Variants in CDH20 observed in about 807,000 individuals in gnomAD.
The protein encoded by CDH20 is cadherin 20, also known as cadherin-20.
CDH20 carries 29 observed loss-of-function variants against 74.2 expected under a neutral mutation model. The ratio of observed to expected loss-of-function variants is 0.39; its 90% CI spans 0.29 to 0.53. The LOEUF (loss-of-function observed/expected upper bound fraction) is 0.53. Ranked by LOEUF, CDH20 falls within the 20% of genes least tolerant of loss-of-function variation. The probability of loss-of-function intolerance (pLI) is 0.69; values close to 1 mark genes in which losing one functional copy is unlikely to be tolerated. For synonymous variants in CDH20, 469 were observed against 405.4 expected, an observed-to-expected ratio of 1.16 and a Z score of -1.88; for missense variants, 988 against 1,048.3, an observed-to-expected ratio of 0.94 and a Z score of 0.79.
chr18:61,343,581 T>C (rs1169254857), intron 1 of CDH20, among the ~76,000 whole-genome samples: 1 of 152,144 alleles, frequency 6.6e-6, no homozygotes, highest in Non-Finnish European at 1.5e-5. Context: ...CACTGTGATG[T>C]CCTGTTCTGT....
At position 61,500,075 on chromosome 18, in the gene CDH20, G is replaced by A. The variant is rs1313183818; in HGVS notation, c.542-308G>A. Among the ~76,000 whole-genome samples the A allele has an allele frequency of 3.5e-5, 4 of 115,390 alleles. No individual in the cohort carries two copies. The Admixed American group carries it at 4.8e-4, about 14-fold the overall frequency. The allele number at this position is 115,390 out of a possible 152,430, so 75.7% of individuals were successfully genotyped here. A position where few individuals can be genotyped will look rare whatever the true frequency, so the allele number is the denominator to read the frequency against. ...GCTGAGATCACGCCACTGCACTCCA[G>A]CCTGGCGACAGAGTGAGACTCCATC... On this transcript the variant is annotated intron_variant, in intron 3 of 11. Transcript: ENST00000262717.
chr18:61,548,165 T>G (rs1599162938), intron 10 of CDH20, among the ~76,000 whole-genome samples: 1 of 152,340 alleles, frequency 6.6e-6, no homozygotes, highest in East Asian at 1.9e-4. Flanking sequence ...AATATAATCC[T>G]CAGGTTGGCA....
intron 1 of CDH20, among the ~76,000 whole-genome samples, chr18:61,469,402 CA>C (rs1312320884): frequency 1.6e-4 from 23 of 147,296 alleles, no homozygotes; most frequent in Admixed American, 4.1e-4. Flanking sequence ...CACACACACA[CA>C]CCCCTATATA....
At chr18:61,435,017 A>G (rs916473184) in intron 1 of CDH20, among the ~76,000 whole-genome samples, 4 of 152,160 alleles carry the variant, frequency 2.6e-5, no homozygotes, top group African/African-American at 9.6e-5. Flanking sequence ...TAATATAAAG[A>G]CAACAATGAC....
intron 6 of CDH20, among the ~76,000 whole-genome samples, chr18:61,519,830 T>C (rs1022623160): frequency 2.0e-5 from 3 of 150,326 alleles, no homozygotes; most frequent in Admixed American, 6.6e-5. Context: ...GATTGGCAAA[T>C]TGGATAAAGA....
chr18:61,356,874 T>G (rs1910514050), intron 1 of CDH20, among the ~76,000 whole-genome samples: 1 of 152,210 alleles, frequency 6.6e-6, no homozygotes, highest in Admixed American at 6.5e-5. Flanking sequence ...TTTAAACATC[T>G]GCAAGCTAAA....
rs1046340279 is a variant in CDH20, at chr18:61,468,365, G to A, written c.-152-22037G>A. Among the ~76,000 whole-genome samples the A allele has an allele frequency of 9.9e-5, 15 of 152,090 alleles. No homozygotes were observed. In the South Asian group the frequency reaches 1.2e-3, roughly 13 times the overall value. The stretch of plus-strand genomic sequence containing the variant: ...CAAAAGATTCAAGACATCAAGATAC[G>A]CTAAGGATGTTCTGAGTGAAGGAAA... On this transcript the variant is annotated intron_variant, in intron 1 of 11. Coordinates refer to ENST00000262717, the MANE Select transcript of CDH20 (RefSeq NM_031891.4).
At chr18:61,401,180 C>T (rs1912141262) in intron 1 of CDH20, among the ~76,000 whole-genome samples, 1 of 152,232 alleles carries the variant, frequency 6.6e-6, no homozygotes. Flanking sequence ...TCAAACTCAT[C>T]TGCCAATATT....
At chr18:61,401,393 C>CGTTTTTGTT (rs1483248386) in intron 1 of CDH20, among the ~76,000 whole-genome samples, 1 of 152,088 alleles carries the variant, frequency 6.6e-6, no homozygotes, top group African/African-American at 2.4e-5. Context: ...ATTAGTGACC[C>CGTTTTTGTT]GTTTTTGTTG....
intron 1 of CDH20, among the ~76,000 whole-genome samples, chr18:61,372,945 A>G (rs1911092613): frequency 6.6e-6 from 1 of 152,110 alleles, no homozygotes; most frequent in Admixed American, 6.6e-5. Context: ...ACGACCTCTC[A>G]CTGATAGAAC....
At chr18:61,381,785 T>C (rs1911440206) in intron 1 of CDH20, among the ~76,000 whole-genome samples, 1 of 152,230 alleles carries the variant, frequency 6.6e-6, no homozygotes, top group South Asian at 2.1e-4. Flanking sequence ...TTTTCAGATG[T>C]CTGAGATTTC....
intron 4 of CDH20, among the ~76,000 whole-genome samples, chr18:61,501,225 G>T (rs1408703949): frequency 6.6e-6 from 1 of 152,092 alleles, no homozygotes; most frequent in East Asian, 1.9e-4. Flanking sequence ...ACAGGAGTTT[G>T]GTGTTTTGTT....
intron 1 of CDH20, among the ~76,000 whole-genome samples, chr18:61,438,650 T>C (rs1860608): frequency 0.094 from 14,241 of 152,218 alleles, 772 homozygotes; most frequent in South Asian, 0.15. Context: ...TTATATATTG[T>C]TAGTGGGAAT....
At chr18:61,432,061 A>G (rs1913273230) in intron 1 of CDH20, among the ~76,000 whole-genome samples, 3 of 152,022 alleles carry the variant, frequency 2.0e-5, no homozygotes, top group South Asian at 4.2e-4. Context: ...CCTGGCCAAC[A>G]TGGTGAAACC....
chr18:61,468,503 TTTC>T (rs1420095092), intron 1 of CDH20, among the ~76,000 whole-genome samples: 3 of 152,148 alleles, frequency 2.0e-5, no homozygotes, highest in Non-Finnish European at 4.4e-5. Flanking sequence ...GAATATTCTT[TTTC>T]TTATCTCTCC....
At chr18:61,528,338 C>A in intron 7 of CDH20, 118 bp downstream of exon 7, 1 of 1,070,064 alleles carries the variant, frequency 9.3e-7, no homozygotes, top group Non-Finnish European at 1.3e-6. Context: ...TGGAGACTCT[C>A]CTCTTTGAGT....
At chr18:61,377,047 C>CTCTG (rs1911259675) in intron 1 of CDH20, among the ~76,000 whole-genome samples, 1 of 152,162 alleles carries the variant, frequency 6.6e-6, no homozygotes, top group Non-Finnish European at 1.5e-5. Flanking sequence ...AGTGAGGCAG[C>CTCTG]TCTGCTCCAT....
intron 1 of CDH20, among the ~76,000 whole-genome samples, chr18:61,479,521 A>G (rs1266890748): frequency 6.6e-6 from 1 of 152,174 alleles, no homozygotes; most frequent in Non-Finnish European, 1.5e-5. Context: ...GCCAATGTTT[A>G]TTTATTATGG....
chr18:61,362,398 A>G (rs529305507), intron 1 of CDH20, among the ~76,000 whole-genome samples: 1 of 152,228 alleles, frequency 6.6e-6, no homozygotes, highest in African/African-American at 2.4e-5. Context: ...TGTCCTTTCC[A>G]CTTGTCAGCA....
Sources: gnomAD v4.1 joint callset for allele counts (sites outside exome capture counted in the v4.1 genomes callset) on GRCh38, gnomAD v4.1.1 for gene constraint, MANE v1.5 for transcripts, NCBI Gene and HGNC (gene_info 2026-07-23, HGNC 2026-07-21) for gene names.